Variants in GRAMD1B observed in about 807,000 individuals in gnomAD.
The protein encoded by GRAMD1B is protein Aster-B.
Under a neutral mutation model 99.7 loss-of-function variants are expected in GRAMD1B, and 37 were observed. That is an observed-to-expected ratio of 0.37 (90% CI 0.29 to 0.49). The LOEUF (loss-of-function observed/expected upper bound fraction) is 0.49, where lower values mean the gene tolerates loss of function less well. Ranked by LOEUF, GRAMD1B falls within the 20% of genes least tolerant of loss-of-function variation. The probability of loss-of-function intolerance (pLI) is 0.98; values close to 1 mark genes in which losing one functional copy is unlikely to be tolerated. For synonymous variants in GRAMD1B, 427 were observed against 387.6 expected (o/e 1.10, Z -1.19); for missense variants, 888 against 1,009.2 (o/e 0.88, Z 1.63).
chr11:123,497,309 G>A (rs1204422740), intron 2 of GRAMD1B, among the ~76,000 whole-genome samples: 2 of 152,198 alleles, frequency 1.3e-5, no homozygotes, highest in Non-Finnish European at 2.9e-5. Context: ...GGAACTGAGA[G>A]TAGGGAAACA....
chr11:123,447,364 G>GA (rs1170685390), intron 1 of GRAMD1B, among the ~76,000 whole-genome samples: 1 of 152,176 alleles, frequency 6.6e-6, no homozygotes. Flanking sequence ...GGTGGATCTA[G>GA]AATACAGGTC....
At chr11:123,572,903 AC>A (rs1421037145) in intron 2 of GRAMD1B, among the ~76,000 whole-genome samples, 2 of 125,558 alleles carry the variant, frequency 1.6e-5, no homozygotes, top group African/African-American at 3.1e-5. Context: ...GCGCAGGTAG[AC>A]CCCGATGGCT....
chr11:123,402,308 C>T lies in GRAMD1B; in HGVS notation c.-176+43509C>T, dbSNP rs556573320. ...CTGGGATTACAGGTACGAGCCACCA[C>T]GCCCGGCCAAGGACCATGTTCTTGC... On this transcript the variant is annotated intron_variant, in intron 1 of 20. Coordinates refer to the GRAMD1B transcript ENST00000638157. 7.9e-5 allele frequency among the ~76,000 whole-genome samples: 12 copies of T among 152,298 alleles called. No homozygotes were observed. In the South Asian group the frequency reaches 1.0e-3, roughly 13 times the overall value.
At chr11:123,442,743 T>G (rs1949465754) in intron 1 of GRAMD1B, among the ~76,000 whole-genome samples, 1 of 152,162 alleles carries the variant, frequency 6.6e-6, no homozygotes, top group African/African-American at 2.4e-5. Flanking sequence ...GCACTCCAGC[T>G]TGGTGACAAA....
intron 2 of GRAMD1B, among the ~76,000 whole-genome samples, chr11:123,527,330 A>G (rs1227928810): frequency 6.6e-6 from 1 of 152,130 alleles, no homozygotes; most frequent in Non-Finnish European, 1.5e-5. Flanking sequence ...AAACCCTGAG[A>G]GAATGTCTAG....
chr11:123,501,849 A>G (rs1939898139), intron 2 of GRAMD1B, among the ~76,000 whole-genome samples: 1 of 152,210 alleles, frequency 6.6e-6, no homozygotes, highest in Admixed American at 6.5e-5. Context: ...TTGGCAAGTT[A>G]TATGTGGGAA....
chr11:123,546,503 T>C (rs1047886480), intron 2 of GRAMD1B, among the ~76,000 whole-genome samples: 2 of 152,230 alleles, frequency 1.3e-5, no homozygotes, highest in African/African-American at 4.8e-5. Context: ...CAGCTGCTTA[T>C]GAATATGGCA....
intron 3 of GRAMD1B, among the ~76,000 whole-genome samples, chr11:123,578,225 GC>G (rs1948949640): frequency 6.6e-6 from 1 of 152,100 alleles, no homozygotes. Flanking sequence ...AGATGTCTTT[GC>G]CCAGGGTCTC....
At chr11:123,613,373 A>C (rs1953868429) in intron 15 of GRAMD1B, 82 bp from the exon 16 acceptor site, 1 of 1,051,664 alleles carries the variant, frequency 9.5e-7, no homozygotes, top group Non-Finnish European at 1.4e-6. Context: ...TTCCCAGAAT[A>C]CAGAATAGGA....
At chr11:123,548,720 G>A (rs1197646836) in intron 2 of GRAMD1B, among the ~76,000 whole-genome samples, 3 of 152,108 alleles carry the variant, frequency 2.0e-5, no homozygotes, top group African/African-American at 7.2e-5. Context: ...TGATCCTCCC[G>A]ACTCTGCCTT....
intron 7 of GRAMD1B, chr11:123,597,798 A>C: frequency 3.3e-6 from 2 of 601,840 alleles, no homozygotes; most frequent in Non-Finnish European, 6.0e-6. Context: ...GCATTCTGCC[A>C]GCCTGCCTTG....
At chr11:123,580,532 G>A (rs995581479) in intron 3 of GRAMD1B, among the ~76,000 whole-genome samples, 1 of 152,144 alleles carries the variant, frequency 6.6e-6, no homozygotes, top group Non-Finnish European at 1.5e-5. Context: ...TCCCATGCAC[G>A]GTGTCTTTCT....
At chr11:123,421,422 A>C (rs771849131) in intron 1 of GRAMD1B, among the ~76,000 whole-genome samples, 2 of 152,178 alleles carry the variant, frequency 1.3e-5, no homozygotes, top group African/African-American at 4.8e-5. Flanking sequence ...TAATACTAGA[A>C]GTCATTAAGG....
At chr11:123,476,985 C>T (rs1358948732) in intron 1 of GRAMD1B, among the ~76,000 whole-genome samples, 1 of 152,138 alleles carries the variant, frequency 6.6e-6, no homozygotes, top group East Asian at 1.9e-4. Context: ...ATCTTACTTT[C>T]CTGATTCTAA....
At chr11:123,561,799 A>T (rs980693030) in intron 2 of GRAMD1B, among the ~76,000 whole-genome samples, 1 of 152,208 alleles carries the variant, frequency 6.6e-6, no homozygotes, top group Non-Finnish European at 1.5e-5. Flanking sequence ...AGCACTCGGC[A>T]GGTTAGAGAA....
At chr11:123,393,754 C>G (rs1423695835) in intron 1 of GRAMD1B, among the ~76,000 whole-genome samples, 1 of 152,106 alleles carries the variant, frequency 6.6e-6, no homozygotes, top group African/African-American at 2.4e-5. Context: ...CTGTTGGTTA[C>G]CCAGGTCCAC....
At chr11:123,376,283 C>G (rs1305833877) in intron 1 of GRAMD1B, among the ~76,000 whole-genome samples, 1 of 152,148 alleles carries the variant, frequency 6.6e-6, no homozygotes, top group African/African-American at 2.4e-5. Flanking sequence ...GGAAATAATG[C>G]CTTTTTTACA....
intron 2 of GRAMD1B, among the ~76,000 whole-genome samples, chr11:123,516,373 G>A (rs1005240047): frequency 1.3e-5 from 2 of 152,186 alleles, no homozygotes; most frequent in East Asian, 1.9e-4. Context: ...ACCTTAGGGC[G>A]CTGTTGAGAA....
intron 2 of GRAMD1B, among the ~76,000 whole-genome samples, chr11:123,541,265 C>T (rs1199010772): frequency 1.3e-5 from 2 of 152,142 alleles, no homozygotes; most frequent in Non-Finnish European, 2.9e-5. Context: ...GACTAGCATT[C>T]TTTAGATAGA....
Sources: allele counts gnomAD v4.1 joint callset (sites outside exome capture counted in the v4.1 genomes callset), GRCh38; gene constraint gnomAD v4.1.1; transcripts MANE v1.5; gene names NCBI Gene and HGNC (gene_info 2026-07-23, HGNC 2026-07-21).